Variants in GRIK4 observed in about 807,000 individuals in gnomAD.
GRIK4 encodes glutamate ionotropic receptor kainate type subunit 4.
GRIK4 carries 40 observed loss-of-function variants against 104.9 expected under a neutral mutation model. The observed-to-expected ratio is 0.38, with a 90% CI of 0.30 to 0.50. GRIK4 has a LOEUF of 0.50. Among genes scored for constraint, GRIK4 ranks in the 20% least tolerant of loss-of-function variants. GRIK4 has a pLI of 0.93. For missense variants in GRIK4, 1,047 were observed against 1,308.1 expected, an observed-to-expected ratio of 0.80 and a Z score of 3.08; for synonymous variants, 485 against 524.9, an observed-to-expected ratio of 0.92 and a Z score of 1.04.
chr11:120,556,939 C>A (rs1038467234), intron 1 of GRIK4, among the ~76,000 whole-genome samples: 1 of 152,090 alleles, frequency 6.6e-6, no homozygotes, highest in East Asian at 1.9e-4. Flanking sequence ...TCTGGCCTCC[C>A]TCCTGACAGC....
intron 3 of GRIK4, among the ~76,000 whole-genome samples, chr11:120,773,160 C>T (rs548431429): frequency 2.0e-5 from 3 of 152,234 alleles, no homozygotes; most frequent in South Asian, 2.1e-4. Flanking sequence ...GATTAGGTAA[C>T]CTGCACAAGG....
chr11:120,865,625 C>T (rs1412714202), intron 9 of GRIK4, among the ~76,000 whole-genome samples: 1 of 152,218 alleles, frequency 6.6e-6, no homozygotes, highest in Non-Finnish European at 1.5e-5. Context: ...CAGAAAGGCA[C>T]ACTCTCATTT....
chr11:120,727,478 G>A (rs1459100689), intron 3 of GRIK4, among the ~76,000 whole-genome samples: 1 of 152,062 alleles, frequency 6.6e-6, no homozygotes, highest in Non-Finnish European at 1.5e-5. Flanking sequence ...TCATTCTAAA[G>A]GTTCAGGAAA....
intron 9 of GRIK4, among the ~76,000 whole-genome samples, chr11:120,866,951 C>T (rs997593371): frequency 1.1e-4 from 17 of 152,150 alleles, no homozygotes; most frequent in African/African-American, 3.6e-4. Flanking sequence ...AGGGCATCCT[C>T]GTAACAGTTA....
chr11:120,695,166 G>A (rs1950422559), intron 3 of GRIK4, among the ~76,000 whole-genome samples: 3 of 152,200 alleles, frequency 2.0e-5, no homozygotes, highest in South Asian at 4.1e-4. Context: ...GGACCCAGGA[G>A]CATGGGGGGT....
chr11:120,890,383 T>C (rs1199792871), intron 11 of GRIK4, among the ~76,000 whole-genome samples: 2 of 152,168 alleles, frequency 1.3e-5, no homozygotes, highest in African/African-American at 4.8e-5. Flanking sequence ...AAGCAACCAC[T>C]CTGGGCCCTG....
intron 3 of GRIK4, among the ~76,000 whole-genome samples, chr11:120,785,125 G>A (rs1030554227): frequency 1.5e-4 from 23 of 152,068 alleles, no homozygotes; most frequent in African/African-American, 3.4e-4. Context: ...GGCTGTCACC[G>A]GCGGGCCATT....
At chr11:120,614,880 T>A (rs1303869942) in intron 1 of GRIK4, among the ~76,000 whole-genome samples, 2 of 152,098 alleles carry the variant, frequency 1.3e-5, no homozygotes, top group African/African-American at 4.8e-5. Flanking sequence ...GCGCTTGTAG[T>A]CCCAGCTACT....
intron 8 of GRIK4, chr11:120,859,389 A>G (rs1195995702): frequency 1.3e-5 from 2 of 152,242 alleles, no homozygotes; most frequent in Non-Finnish European, 2.9e-5. Flanking sequence ...CCAGTATGGT[A>G]AGGAACCTGG....
At chr11:120,708,063 A>G (rs1422484393) in intron 3 of GRIK4, among the ~76,000 whole-genome samples, 1 of 152,216 alleles carries the variant, frequency 6.6e-6, no homozygotes, top group African/African-American at 2.4e-5. Context: ...GAGACACATC[A>G]TAAGAATACC....
At position 120,653,734 on chromosome 11, in the gene GRIK4, G is replaced by A. The variant is rs1286605007; in HGVS notation, c.-109G>A. On this transcript the variant is annotated 5_prime_UTR_variant, in exon 2 of 21. Transcript: ENST00000527524. Reference sequence around the variant, plus strand: ...TGTGCCAGCCTGTGCTAGGCACTGAGGACACAGGTGGAAAAGCCCGAATTG... The same window carrying A: ...TGTGCCAGCCTGTGCTAGGCACTGAAGACACAGGTGGAAAAGCCCGAATTG... The A allele has an allele frequency of 6.6e-6, 1 of 152,230 alleles. No homozygotes were observed. The highest frequency in any genetic ancestry group is 6.5e-5 in the Admixed American group (1 of 15,288). 9.4% of individuals were successfully genotyped at this position (152,230 alleles called of 1,614,324 possible). A position where few individuals can be genotyped will look rare whatever the true frequency, so the allele number is the denominator to read the frequency against.
At chr11:120,543,874 T>C (rs982849723) in intron 1 of GRIK4, among the ~76,000 whole-genome samples, 1 of 152,206 alleles carries the variant, frequency 6.6e-6, no homozygotes, top group African/African-American at 2.4e-5. Context: ...CTAAGTGAAA[T>C]AAGCCAGGTA....
At chr11:120,749,367 G>A (rs1951504023) in intron 3 of GRIK4, among the ~76,000 whole-genome samples, 1 of 152,212 alleles carries the variant, frequency 6.6e-6, no homozygotes, top group Non-Finnish European at 1.5e-5. Context: ...GCAGGTGTCG[G>A]GAGAGGGGGC....
chr11:120,574,397 G>A (rs1434228800), intron 1 of GRIK4, among the ~76,000 whole-genome samples: 4 of 152,192 alleles, frequency 2.6e-5, no homozygotes, highest in South Asian at 4.1e-4. Context: ...GACACCTTAC[G>A]TATATGGTCT....
chr11:120,951,943 A>T (rs1160293371), intron 14 of GRIK4, among the ~76,000 whole-genome samples: 1 of 152,226 alleles, frequency 6.6e-6, no homozygotes, highest in East Asian at 1.9e-4. Flanking sequence ...TCCATAAGCC[A>T]CTGGTGTGTC....
chr11:120,986,011 C>G lies in GRIK4; in HGVS notation c.2622C>G (p.Pro874=), dbSNP rs1244423843. The change falls in exon 21 of 21, where the codon CCC becomes CCG. Residue 874 remains proline (P), a synonymous_variant. Coordinates refer to ENST00000527524, the MANE Select transcript of GRIK4 (RefSeq NM_014619.5). ...CCGCAGTCCCGCCGCCCCGGCCCCC[C>G]ATCCCCGAGGAGCGCCGACCGCGGG... ...RRAAVPPPRP[P]IPEERRPRGT... The G allele has an allele frequency of 6.5e-7, 1 of 1,529,542 alleles. No homozygotes were observed. The highest frequency in any genetic ancestry group is 8.8e-7 in the Non-Finnish European group (1 of 1,139,114). The allele number at this position is 1,529,542 out of a possible 1,614,324, so 94.7% of individuals were successfully genotyped here. A position where few individuals can be genotyped will look rare whatever the true frequency, so the allele number is the denominator to read the frequency against.
At chr11:120,625,437 G>A (rs1164490164) in intron 1 of GRIK4, among the ~76,000 whole-genome samples, 1 of 152,146 alleles carries the variant, frequency 6.6e-6, no homozygotes, top group African/African-American at 2.4e-5. Flanking sequence ...GGAGAGAGAA[G>A]GGCCATGATG....
intron 6 of GRIK4, among the ~76,000 whole-genome samples, chr11:120,822,271 T>C (rs1953148476): frequency 6.8e-6 from 1 of 147,498 alleles, no homozygotes; most frequent in Non-Finnish European, 1.5e-5. Context: ...ACTGGAGTTC[T>C]CCAGCAGGGC....
At chr11:120,971,099 T>G (rs1231705569) in intron 19 of GRIK4, among the ~76,000 whole-genome samples, 1 of 152,210 alleles carries the variant, frequency 6.6e-6, no homozygotes, top group Non-Finnish European at 1.5e-5. Flanking sequence ...TTCCAAAATC[T>G]AGGCCTGAAC....
Sources: gnomAD v4.1 joint callset for allele counts (sites outside exome capture counted in the v4.1 genomes callset) on GRCh38, gnomAD v4.1.1 for gene constraint, MANE v1.5 for transcripts, NCBI Gene and HGNC (gene_info 2026-07-23, HGNC 2026-07-21) for gene names.